FBLN5: variants seen among roughly 807,000 people sequenced by gnomAD.
The protein encoded by FBLN5 is fibulin-5.
Under a neutral mutation model 61.6 loss-of-function variants are expected in FBLN5, and 24 were observed. That is an observed-to-expected ratio of 0.39 (90% CI 0.28 to 0.55). The LOEUF is 0.55. FBLN5 is among the 20% of genes least tolerant of loss of function. FBLN5 has a pLI of 0.65. For missense variants in FBLN5, 470 were observed against 594.1 expected, an observed-to-expected ratio of 0.79 and a Z score of 2.17; for synonymous variants, 213 against 219.8, an observed-to-expected ratio of 0.97 and a Z score of 0.27.
At chr14:91,888,428 A>T (rs1889829955) in intron 6 of FBLN5, among the ~76,000 whole-genome samples, 1 of 152,064 alleles carries the variant, frequency 6.6e-6, no homozygotes, top group Admixed American at 6.6e-5. Flanking sequence ...AACATGGTGA[A>T]GTCCCGTCTC....
chr14:91,923,724 C>G (rs1370079949), intron 4 of FBLN5, among the ~76,000 whole-genome samples: 2 of 152,242 alleles, frequency 1.3e-5, no homozygotes, highest in South Asian at 2.1e-4. Flanking sequence ...ATGTACACCC[C>G]CCTCCAAAAC....
intron 1 of FBLN5, among the ~76,000 whole-genome samples, chr14:91,945,056 C>T (rs2056162193): frequency 6.6e-6 from 1 of 152,036 alleles, no homozygotes; most frequent in Non-Finnish European, 1.5e-5. Context: ...CATGGTGAAA[C>T]CCCGTCTCTA....
chr14:91,895,797 CAAAAAA>C (rs60216411), intron 4 of FBLN5, among the ~76,000 whole-genome samples: 2 of 63,500 alleles, frequency 3.1e-5, no homozygotes, highest in Non-Finnish European at 2.8e-5. Flanking sequence ...GACCCTGTCT[CAAAAAA>C]AAAAAAAAAA....
intron 9 of FBLN5, 181 bp from the exon 10 acceptor site, chr14:91,877,863 C>G: frequency 1.5e-6 from 1 of 674,564 alleles, no homozygotes; most frequent in Admixed American, 2.1e-5. Context: ...TAGGCGAGCT[C>G]TGTTTCCTAG....
Position 91,883,084 on chromosome 14 carries a change from G to A in FBLN5, c.740-8C>T. On this transcript the variant is annotated splice_polypyrimidine_tract_variant and splice_region_variant and intron_variant, in intron 7 of 10. Coordinates refer to ENST00000342058, the MANE Select transcript of FBLN5 (RefSeq NM_006329.4). Reference sequence around the variant, plus strand: ...AGCTGCACTCGTCCATATCTGGGGTGACAAGTCACACCTGCTGTTTGTAAT... The same window carrying A: ...AGCTGCACTCGTCCATATCTGGGGTAACAAGTCACACCTGCTGTTTGTAAT... 1 of 1,613,602 alleles carries A rather than the reference G, an allele frequency of 6.2e-7. No homozygotes were observed. The highest frequency in any genetic ancestry group is 8.5e-7 in the Non-Finnish European group (1 of 1,179,704).
At chr14:91,928,876 G>A (rs969227247) in intron 4 of FBLN5, among the ~76,000 whole-genome samples, 3 of 151,564 alleles carry the variant, frequency 2.0e-5, no homozygotes, top group African/African-American at 4.9e-5. Context: ...GGCTAACACT[G>A]TGAAACCCCA....
chr14:91,915,710 AAG>A (rs1891171158), intron 4 of FBLN5, among the ~76,000 whole-genome samples: 2 of 150,578 alleles, frequency 1.3e-5, no homozygotes, highest in African/African-American at 4.9e-5. Flanking sequence ...AAAAAAAAAA[AAG>A]AAATCATATC....
chr14:91,939,180 G>A (rs776359839), intron 3 of FBLN5, among the ~76,000 whole-genome samples: 3 of 152,002 alleles, frequency 2.0e-5, no homozygotes, highest in East Asian at 1.9e-4. Context: ...GTCTTCTTCC[G>A]TTCATATGCC....
chr14:91,924,733 C>A (rs1008050227), intron 4 of FBLN5, among the ~76,000 whole-genome samples: 15 of 152,022 alleles, frequency 9.9e-5, no homozygotes, highest in South Asian at 2.1e-4. Flanking sequence ...AATAAATAAT[C>A]ACAAATGTGT....
At chr14:91,946,280 AT>A (rs968601024) in intron 1 of FBLN5, among the ~76,000 whole-genome samples, 4 of 108,930 alleles carry the variant, frequency 3.7e-5, no homozygotes, top group African/African-American at 1.7e-4. Flanking sequence ...GCACCTTGTG[AT>A]TAAAAAAAAA....
At chr14:91,884,891 T>G (rs1889655558) in intron 7 of FBLN5, among the ~76,000 whole-genome samples, 1 of 152,204 alleles carries the variant, frequency 6.6e-6, no homozygotes, top group Non-Finnish European at 1.5e-5. Context: ...GGCTCCACCC[T>G]CCAGTGGAAA....
rs754130198 is a variant in FBLN5, at chr14:91,894,963, T to C, written c.489A>G (p.Glu163=). ...GAGAGCTGTTACCTAAGCACTGGCC[T>C]TCCAGAAGCCAATATCCGTCGGTGC... ...CSCTDGYWLL[E]GQCLDIDECR... The change falls in exon 5 of 11, where the codon GAA becomes GAG. Residue 163 remains glutamate (E), a synonymous_variant. Coordinates refer to ENST00000342058, the MANE Select transcript of FBLN5 (RefSeq NM_006329.4). 2.5e-6 allele frequency: 4 copies of C among 1,613,916 alleles called. 1 individual carries two copies. In the African/African-American group the frequency reaches 5.3e-5, roughly 22 times the overall value.
intron 4 of FBLN5, among the ~76,000 whole-genome samples, chr14:91,934,303 T>C (rs2055976964): frequency 6.6e-6 from 1 of 152,194 alleles, no homozygotes; most frequent in Non-Finnish European, 1.5e-5. Context: ...GTTTTCTCAT[T>C]CAAAGCCTGA....
intron 6 of FBLN5, 77 bp downstream of exon 6, chr14:91,891,144 A>T: frequency 1.2e-6 from 1 of 850,498 alleles, no homozygotes; most frequent in Non-Finnish European, 2.1e-6. Context: ...TTTCCCACAA[A>T]CATAAGCTGC....
chr14:91,896,846 T>G (rs764035325), intron 4 of FBLN5, among the ~76,000 whole-genome samples: 2 of 152,216 alleles, frequency 1.3e-5, no homozygotes, highest in African/African-American at 2.4e-5. Flanking sequence ...TTCAGTTGGC[T>G]TCTTTGAATA....
chr14:91,898,796 CTTTTTTT>C (rs35840279), intron 4 of FBLN5, among the ~76,000 whole-genome samples: 7 of 84,242 alleles, frequency 8.3e-5, no homozygotes, highest in South Asian at 4.3e-4. Context: ...TTCATTCATT[CTTTTTTT>C]TTTTTTTTTT....
intron 6 of FBLN5, among the ~76,000 whole-genome samples, chr14:91,890,616 C>T (rs1889948794): frequency 6.6e-6 from 1 of 152,218 alleles, no homozygotes; most frequent in Non-Finnish European, 1.5e-5. Flanking sequence ...ATCAGTATTT[C>T]AAATGATCAT....
intron 1 of FBLN5, among the ~76,000 whole-genome samples, chr14:91,945,904 A>G (rs1436513468): frequency 1.3e-5 from 2 of 152,184 alleles, no homozygotes; most frequent in Non-Finnish European, 2.9e-5. Context: ...TGAAAGAACA[A>G]TAACAAATTT....
At chr14:91,893,801 C>T (rs1890094081) in intron 5 of FBLN5, among the ~76,000 whole-genome samples, 1 of 152,180 alleles carries the variant, frequency 6.6e-6, no homozygotes, top group African/African-American at 2.4e-5. Flanking sequence ...ATGACTGACT[C>T]CTCAGGAGTA....
Sources: gnomAD v4.1 joint callset for allele counts (sites outside exome capture counted in the v4.1 genomes callset) on GRCh38, gnomAD v4.1.1 for gene constraint, MANE v1.5 for transcripts, NCBI Gene and HGNC (gene_info 2026-07-23, HGNC 2026-07-21) for gene names.